The following PCSK2 variants were observed in gnomAD, a reference collection of about 807,000 sequenced individuals.
PCSK2 encodes neuroendocrine convertase 2.
A neutral mutation model predicts 69.7 loss-of-function variants in PCSK2; 14 were observed. The observed-to-expected ratio is 0.20, with a 90% CI of 0.13 to 0.31. PCSK2 has a LOEUF of 0.31. PCSK2 is among the 10% of genes least tolerant of loss of function. The pLI, the probability that PCSK2 is intolerant of heterozygous loss-of-function variation, is 1.00. For missense variants in PCSK2, 544 were observed against 842.5 expected (o/e 0.65, Z 4.39); for synonymous variants, 307 against 320.7 (o/e 0.96, Z 0.46).
At chr20:17,476,076 T>C (rs1293460279) in intron 11 of PCSK2, among the ~76,000 whole-genome samples, 2 of 152,228 alleles carry the variant, frequency 1.3e-5, no homozygotes, top group African/African-American at 4.8e-5. Context: ...AACCCTGTGA[T>C]AGAATGTGTC....
At chr20:17,460,666 G>A (rs2033000410) in intron 10 of PCSK2, among the ~76,000 whole-genome samples, 2 of 152,066 alleles carry the variant, frequency 1.3e-5, no homozygotes, top group Non-Finnish European at 2.9e-5. Flanking sequence ...TGTTTTTTTA[G>A]GGAAGTTAAT....
At chr20:17,314,548 C>A (rs2123117810) in intron 2 of PCSK2, among the ~76,000 whole-genome samples, 1 of 152,308 alleles carries the variant, frequency 6.6e-6, no homozygotes, top group South Asian at 2.1e-4. Context: ...TTGGGAGGGA[C>A]AAGTCTGTGC....
intron 2 of PCSK2, among the ~76,000 whole-genome samples, chr20:17,342,637 CTT>C (rs112434595): frequency 6.2e-5 from 9 of 144,502 alleles, no homozygotes; most frequent in African/African-American, 1.0e-4. Flanking sequence ...CTTTAATAAA[CTT>C]TTTTTTTTTT....
chr20:17,330,522 A>C (rs1294470595), intron 2 of PCSK2, among the ~76,000 whole-genome samples: 2 of 152,158 alleles, frequency 1.3e-5, no homozygotes, highest in African/African-American at 4.8e-5. Context: ...TGAACCAGGG[A>C]GGCAGATGTT....
chr20:17,376,692 ATCAT>A (rs775637276), intron 5 of PCSK2, among the ~76,000 whole-genome samples: 10 of 152,232 alleles, frequency 6.6e-5, no homozygotes, highest in Non-Finnish European at 1.2e-4. Flanking sequence ...CATGCATTCA[ATCAT>A]TCATTCATTC....
intron 6 of PCSK2, among the ~76,000 whole-genome samples, chr20:17,428,682 T>A (rs911023281): frequency 1.3e-5 from 2 of 152,076 alleles, no homozygotes; most frequent in African/African-American, 4.8e-5. Context: ...TTTGATTCAG[T>A]AGTTGTTCCA....
In PCSK2 at chr20:17,437,990, C is replaced by G. The variant is rs550524785; in HGVS notation, c.885+1107C>G. 1.3e-3 allele frequency among the ~76,000 whole-genome samples: 191 copies of G among 149,706 alleles called. 2 individuals are homozygous for G. The East Asian group carries it at 0.036, about 28-fold the overall frequency. On this transcript the variant is annotated intron_variant, in intron 8 of 11. Coordinates refer to ENST00000262545, the MANE Select transcript of PCSK2 (RefSeq NM_002594.5). Reference sequence around the variant, plus strand: ...CTGGCTGCCAGGCCAGCAGTTCCCCCCCACCCACACCGTGCTCCCAGAGGA... The same window carrying G: ...CTGGCTGCCAGGCCAGCAGTTCCCCGCCACCCACACCGTGCTCCCAGAGGA...
intron 7 of PCSK2, among the ~76,000 whole-genome samples, chr20:17,435,007 T>C (rs1388056196): frequency 6.6e-6 from 1 of 152,162 alleles, no homozygotes; most frequent in Non-Finnish European, 1.5e-5. Flanking sequence ...AACCATAAAA[T>C]TTAACATCTG....
chr20:17,470,558 C>G (rs750847579), intron 11 of PCSK2, among the ~76,000 whole-genome samples: 11 of 152,182 alleles, frequency 7.2e-5, no homozygotes, highest in East Asian at 3.8e-4. Context: ...ATTGCAGCAT[C>G]CTAGAAGCCT....
chr20:17,345,702 A>T (rs879888244), intron 2 of PCSK2, among the ~76,000 whole-genome samples: 8 of 152,174 alleles, frequency 5.3e-5, no homozygotes, highest in Non-Finnish European at 1.2e-4. Context: ...TCAGAACCCA[A>T]ACCCAGTTCT....
intron 2 of PCSK2, among the ~76,000 whole-genome samples, chr20:17,348,463 T>A (rs1317477595): frequency 6.6e-6 from 1 of 152,220 alleles, no homozygotes; most frequent in Non-Finnish European, 1.5e-5. Flanking sequence ...ATATGCACCA[T>A]CACTTTTGAT....
intron 5 of PCSK2, among the ~76,000 whole-genome samples, chr20:17,387,654 A>G (rs527826334): frequency 4.4e-4 from 67 of 152,320 alleles, no homozygotes; most frequent in African/African-American, 1.5e-3. Flanking sequence ...CAGAAGTCAC[A>G]CACCACAATT....
chr20:17,345,412 C>A (rs1990623191), intron 2 of PCSK2, among the ~76,000 whole-genome samples: 2 of 152,194 alleles, frequency 1.3e-5, no homozygotes, highest in South Asian at 4.1e-4. Flanking sequence ...CCGTGCTATA[C>A]ACCAGAAATC....
intron 2 of PCSK2, among the ~76,000 whole-genome samples, chr20:17,325,226 AC>A (rs1990005753): frequency 6.6e-6 from 1 of 152,130 alleles, no homozygotes; most frequent in African/African-American, 2.4e-5. Flanking sequence ...TGTGCTCAGC[AC>A]CAAGCAGAAG....
intron 6 of PCSK2, among the ~76,000 whole-genome samples, chr20:17,423,349 A>C (rs967693949): frequency 1.3e-5 from 2 of 152,188 alleles, no homozygotes; most frequent in African/African-American, 4.8e-5. Context: ...ACCTGGAATC[A>C]ATAGAAAGGT....
chr20:17,311,606 G>C (rs1035487273), intron 2 of PCSK2, among the ~76,000 whole-genome samples: 1 of 152,120 alleles, frequency 6.6e-6, no homozygotes, highest in East Asian at 1.9e-4. Flanking sequence ...TTACGTGCAC[G>C]TTGACAAAGA....
At chr20:17,267,941 T>C (rs1424997930) in intron 2 of PCSK2, among the ~76,000 whole-genome samples, 1 of 151,198 alleles carries the variant, frequency 6.6e-6, no homozygotes, top group Non-Finnish European at 1.5e-5. Context: ...TCTTAGATGT[T>C]TGAAGGGCAA....
intron 2 of PCSK2, among the ~76,000 whole-genome samples, chr20:17,352,487 G>A (rs923584892): frequency 5.3e-5 from 8 of 152,148 alleles, no homozygotes; most frequent in African/African-American, 1.9e-4. Flanking sequence ...CATGGTAGTG[G>A]TACAAAAACA....
At chr20:17,417,629 C>T (rs6131945) in intron 6 of PCSK2, among the ~76,000 whole-genome samples, 1 of 152,144 alleles carries the variant, frequency 6.6e-6, no homozygotes, top group South Asian at 2.1e-4. Flanking sequence ...CAAGAAAATC[C>T]TTAGTTCAAA....
Sources: allele counts gnomAD v4.1 joint callset (sites outside exome capture counted in the v4.1 genomes callset), GRCh38; gene constraint gnomAD v4.1.1; transcripts MANE v1.5; gene names NCBI Gene and HGNC (gene_info 2026-07-23, HGNC 2026-07-21).